CSRNP2: variants seen among roughly 807,000 people sequenced by gnomAD.
CSRNP2 encodes cysteine and serine rich nuclear protein 2, also known as cysteine/serine-rich nuclear protein 2.
CSRNP2 carries 11 observed loss-of-function variants against 36.6 expected under a neutral mutation model. The ratio of observed to expected loss-of-function variants is 0.30; its 90% CI spans 0.19 to 0.50. CSRNP2 has a LOEUF of 0.50. Ranked by LOEUF, CSRNP2 falls within the 20% of genes least tolerant of loss-of-function variation. The pLI is 0.98. For missense variants in CSRNP2, 483 were observed against 691.4 expected (o/e 0.70, Z 3.38); for synonymous variants, 248 against 275.3 (o/e 0.90, Z 0.98).
Position 51,062,454 on chromosome 12 carries a change from C to G in CSRNP2, c.*1292G>C, listed in dbSNP as rs1278247505. ...TGGAGATCTTAGAACACAGGATGAACAGGAACTGTATTCCTCCTGACAGAG... is the reference window on the plus strand; with the variant it reads ...TGGAGATCTTAGAACACAGGATGAAGAGGAACTGTATTCCTCCTGACAGAG... On this transcript the variant is annotated 3_prime_UTR_variant, in exon 5 of 5. Transcript: ENST00000228515. 1 of 152,316 alleles carries G rather than the reference C, an allele frequency of 6.6e-6. No individual in the cohort carries two copies. The highest frequency in any genetic ancestry group is 1.9e-4 in the East Asian group (1 of 5,188). 9.4% of individuals were successfully genotyped at this position (152,316 alleles called of 1,614,324 possible).
At chr12:51,071,700 T>G (rs1304161252) in intron 3 of CSRNP2, among the ~76,000 whole-genome samples, 3 of 152,252 alleles carry the variant, frequency 2.0e-5, no homozygotes, top group African/African-American at 7.2e-5. Flanking sequence ...TTGCCTGGCT[T>G]CGTCCCTAGA....
Position 51,067,010 on chromosome 12 carries a change from TG to T in CSRNP2, c.708+662del, listed in dbSNP as rs74568395. Among the ~76,000 whole-genome samples the T allele has an allele frequency of 0.21, 31,510 of 151,864 alleles. 4,128 individuals are homozygous for T. The highest frequency in any genetic ancestry group is 0.69 in the East Asian group (3,526 of 5,114). On this transcript the variant is annotated intron_variant, in intron 4 of 4. Transcript: ENST00000228515. This position sits in a 1 kb window ranked among gnomAD's most constrained non-coding sequence, Gnocchi z 4.1. ...ATGTCCAGCTAATTTTTGTATTTTT[TG>T]TAAAGATGGGGCTTAGCCATGTTGC...
chr12:51,073,583 C>CT (rs796441341), intron 3 of CSRNP2, among the ~76,000 whole-genome samples: 50 of 151,408 alleles, frequency 3.3e-4, no homozygotes, highest in African/African-American at 1.1e-3. Context: ...AATACAAAAA[C>CT]AAGACGGATG....
In CSRNP2 at chr12:51,076,499, T is replaced by C. The variant is rs1939409430; in HGVS notation, c.63A>G (p.Ser21=). 6.2e-7 allele frequency: 1 copy of C among 1,613,930 alleles called. No homozygotes were observed. Among genetic ancestry groups the C allele is most frequent in the Non-Finnish European group, 8.5e-7 (1 of 1,180,020 alleles). The change falls in exon 2 of 5, where the codon TCA becomes TCG. Residue 21 remains serine, a synonymous_variant. Coordinates refer to ENST00000228515, the MANE Select transcript of CSRNP2 (RefSeq NM_030809.3). ...RKFDDVDVGS[S]VSNSDDEISS... The stretch of plus-strand genomic sequence containing the variant: ...AGATCTCATCATCTGAGTTGGAAAC[T>C]GATGAGCCCACATCCACATCATCAA...
At position 51,064,479 on chromosome 12, in the gene CSRNP2, C is replaced by A; in HGVS notation, c.899G>T (p.Cys300Phe). Residue 300 changes from cysteine (C) to phenylalanine (F), a missense_variant, in exon 5 of 5, where the codon TGC becomes TTC. Coordinates refer to ENST00000228515, the MANE Select transcript of CSRNP2 (RefSeq NM_030809.3). ...PDEEPSPTAS[C>F]SLTGAQGSET... ...AGAGCCCTGTGCTCCTGTCAGGCTG[C>A]AACTGGCAGTCGGGGAGGGCTCCTC... 1 of 1,609,472 alleles carries A rather than the reference C, an allele frequency of 6.2e-7. No homozygotes were observed. Among genetic ancestry groups the A allele is most frequent in the Non-Finnish European group, 8.5e-7 (1 of 1,177,610 alleles).
chr12:51,083,302 G>A (rs1474895804), intron 1 of CSRNP2, 37 bp downstream of exon 1: 1 of 153,396 alleles, frequency 6.5e-6, no homozygotes, highest in Admixed American at 6.5e-5. Context: ...GAAAGGACGA[G>A]GCGGCACCCT....
intron 3 of CSRNP2, among the ~76,000 whole-genome samples, chr12:51,071,679 C>G (rs1939164393): frequency 6.6e-6 from 1 of 152,208 alleles, no homozygotes; most frequent in Non-Finnish European, 1.5e-5. Flanking sequence ...GCTCCTGTAT[C>G]TGTCTTGGGT....
At chr12:51,069,316 G>T (rs1462549159) in intron 3 of CSRNP2, among the ~76,000 whole-genome samples, 1 of 144,868 alleles carries the variant, frequency 6.9e-6, no homozygotes, top group African/African-American at 2.6e-5. Context: ...TTGAGACAGG[G>T]TCTCACTGTC....
chr12:51,070,651 T>C (rs1939079206), intron 3 of CSRNP2, among the ~76,000 whole-genome samples: 1 of 152,190 alleles, frequency 6.6e-6, no homozygotes, highest in Non-Finnish European at 1.5e-5. Flanking sequence ...CTATTCATGA[T>C]AATGAGTTCC....
chr12:51,069,274 T>G (rs902126774), intron 3 of CSRNP2, among the ~76,000 whole-genome samples: 9 of 149,782 alleles, frequency 6.0e-5, no homozygotes, highest in African/African-American at 2.0e-4. Context: ...CGTGCCCGGC[T>G]TCCTTCTCCT....
Position 51,077,341 on chromosome 12 carries a change from T to C in CSRNP2, c.-86-694A>G, listed in dbSNP as rs796762594. On this transcript the variant is annotated intron_variant, in intron 1 of 4. Coordinates refer to ENST00000228515, the MANE Select transcript of CSRNP2 (RefSeq NM_030809.3). ...AGCTTTTACATAGAAATACGACTGCTGTGTCAAAAGGGTTTTAAAAATTGC... is the reference window on the plus strand; with the variant it reads ...AGCTTTTACATAGAAATACGACTGCCGTGTCAAAAGGGTTTTAAAAATTGC... 3.3e-4 allele frequency among the ~76,000 whole-genome samples: 51 copies of C among 152,342 alleles called. 1 individual carries two copies. The highest frequency in any genetic ancestry group is 1.2e-3 in the African/African-American group (48 of 41,576).
At position 51,061,368 on chromosome 12, in the gene CSRNP2, T is replaced by C. The variant is rs2136810173; in HGVS notation, c.*2378A>G. 6.6e-6 allele frequency: 1 copy of C among 152,576 alleles called. No individual in the cohort carries two copies. Among genetic ancestry groups the C allele is most frequent in the African/African-American group, 2.4e-5 (1 of 41,518 alleles). The allele number at this position is 152,576 out of a possible 1,614,324, so 9.5% of individuals were successfully genotyped here. ...TGTGTACAGTATGTGAGAAAGGAAA[T>C]TGGAAAATAATAAGGGTTGTGGTAA... On this transcript the variant is annotated 3_prime_UTR_variant, in exon 5 of 5. Coordinates refer to ENST00000228515, the MANE Select transcript of CSRNP2 (RefSeq NM_030809.3).
At chr12:51,068,450 A>G (rs912934317) in intron 3 of CSRNP2, among the ~76,000 whole-genome samples, 18 of 152,104 alleles carry the variant, frequency 1.2e-4, no homozygotes, top group African/African-American at 4.3e-4. Context: ...AATTTACATA[A>G]TTTTAATTGA....
At chr12:51,072,425 TG>T (rs1232687324) in intron 3 of CSRNP2, among the ~76,000 whole-genome samples, 1 of 150,882 alleles carries the variant, frequency 6.6e-6, no homozygotes, top group Non-Finnish European at 1.5e-5. Flanking sequence ...TAGCCGGGTG[TG>T]GTGTTGGGCA....
At chr12:51,065,733 C>T (rs1938135462) in intron 4 of CSRNP2, among the ~76,000 whole-genome samples, 1 of 152,170 alleles carries the variant, frequency 6.6e-6, no homozygotes, top group Non-Finnish European at 1.5e-5. Context: ...GTGCTAGTTA[C>T]AGGTGTGAGC....
rs1295847142 is a variant in CSRNP2 at position 51,061,273 on chromosome 12, A to C, written c.*2473T>G. 1.3e-5 allele frequency: 2 copies of C among 152,666 alleles called. No homozygotes were observed. The highest frequency in any genetic ancestry group is 2.9e-5 in the Non-Finnish European group (2 of 68,042). 9.5% of individuals were successfully genotyped at this position (152,666 alleles called of 1,614,324 possible). A position where few individuals can be genotyped will look rare whatever the true frequency, so the allele number is the denominator to read the frequency against. ...TAAATACAGCATTATCACAATGTAA[A>C]GAACCTAAAGGGGAAAAAATTATTT... On this transcript the variant is annotated 3_prime_UTR_variant, in exon 5 of 5. Transcript: ENST00000228515.
Position 51,073,797 on chromosome 12 carries a change from CAGT to C in CSRNP2, c.411+23_411+25del, listed in dbSNP as rs776287586. ...CCTAAATGGTTTCCTACATGGACAG[CAGT>C]AGATCCCAGAACACTTAGGCACCTT... On this transcript the variant is annotated intron_variant, in intron 3 of 4. Coordinates refer to ENST00000228515, the MANE Select transcript of CSRNP2 (RefSeq NM_030809.3). 1.9e-6 allele frequency: 3 copies of C among 1,602,274 alleles called. No individual in the cohort carries two copies. In the South Asian group the frequency reaches 3.3e-5, roughly 18 times the overall value.
At chr12:51,075,715 T>C (rs1431241140) in intron 2 of CSRNP2, among the ~76,000 whole-genome samples, 1 of 152,146 alleles carries the variant, frequency 6.6e-6, no homozygotes, top group Non-Finnish European at 1.5e-5. Flanking sequence ...CCCTCATATA[T>C]AGTATCAGTT....
At chr12:51,076,790 G>C in intron 1 of CSRNP2, 143 bp from the exon 2 acceptor site, 1 of 506,418 alleles carries the variant, frequency 2.0e-6, no homozygotes, top group Non-Finnish European at 3.6e-6. Flanking sequence ...TACTAGCTCT[G>C]GCCAACATTC....
Sources: gnomAD v4.1 joint callset for allele counts (sites outside exome capture counted in the v4.1 genomes callset) on GRCh38, gnomAD v4.1.1 for gene constraint, Gnocchi (gnomAD v3.1) non-coding constraint, MANE v1.5 for transcripts, NCBI Gene and HGNC (gene_info 2026-07-23, HGNC 2026-07-21) for gene names.